The following JHY variants were observed in gnomAD, a reference collection of about 807,000 sequenced individuals.
The protein encoded by JHY is jhy protein homolog.
A neutral mutation model predicts 78.0 loss-of-function variants in JHY; 69 were observed. That is an observed-to-expected ratio of 0.88 (90% CI 0.73 to 1.08). JHY has a LOEUF of 1.08. Ranked by LOEUF, JHY falls within the 50% of genes least tolerant of loss-of-function variation. The probability of loss-of-function intolerance (pLI) is 0.00; values close to 1 mark genes in which losing one functional copy is unlikely to be tolerated. For synonymous variants in JHY, 368 were observed against 342.6 expected (o/e 1.07, Z -0.82); for missense variants, 944 against 927.8 (o/e 1.02, Z -0.23).
In JHY at chr11:122,961,500, G is replaced by A. The variant is rs1333163693; in HGVS notation, c.*2055G>A. Among the ~76,000 whole-genome samples, 7 of 152,212 alleles carry A rather than the reference G, an allele frequency of 4.6e-5. No homozygotes were observed. Among genetic ancestry groups the A allele is most frequent in the South Asian group, 2.1e-4 (1 of 4,814 alleles). On this transcript the variant is annotated 3_prime_UTR_variant, in exon 9 of 9. Coordinates refer to ENST00000227349, the MANE Select transcript of JHY (RefSeq NM_024806.4). ...CTCCCGAGTAGCCGAGATTGCAAGC[G>A]TGCACTACCACGCCCGGCTAATTTT...
intron 2 of JHY, among the ~76,000 whole-genome samples, chr11:122,896,742 TA>T (rs2135293859): frequency 6.6e-6 from 1 of 152,308 alleles, no homozygotes; most frequent in African/African-American, 2.4e-5. Context: ...GAATGTGACG[TA>T]CAGCAAGCAA....
intron 5 of JHY, among the ~76,000 whole-genome samples, chr11:122,942,941 C>T (rs1863903077): frequency 6.6e-6 from 1 of 152,156 alleles, no homozygotes; most frequent in Non-Finnish European, 1.5e-5. Context: ...ACGGAGTGAT[C>T]CTAGCTCACT....
In JHY at chr11:122,960,781, T is replaced by C. The variant is rs569475571; in HGVS notation, c.*1336T>C. On this transcript the variant is annotated 3_prime_UTR_variant, in exon 9 of 9. Transcript: ENST00000227349. ...TCCATCAAACAAATCCAGGATGCAA[T>C]TGATTTGGAGAAGTCGCAGCGCTCA... 8.0e-6 allele frequency: 4 copies of C among 499,016 alleles called. No individual in the cohort carries two copies. The highest frequency in any genetic ancestry group is 2.6e-5 in the Admixed American group (1 of 39,066). 30.9% of individuals were successfully genotyped at this position (499,016 alleles called of 1,614,324 possible).
At chr11:122,958,853 C>G (rs1864246332) in intron 8 of JHY, 1 of 985,224 alleles carries the variant, frequency 1.0e-6, no homozygotes, top group South Asian at 4.7e-5. Context: ...TGTCTTTGGT[C>G]TCAAGCTGTA....
chr11:122,925,728 A>G, intron 4 of JHY, among the ~76,000 whole-genome samples: 1 of 151,714 alleles, frequency 6.6e-6, no homozygotes, highest in African/African-American at 2.4e-5. Flanking sequence ...CTAAAAATAC[A>G]AAGATTAGGT....
chr11:122,884,521 A>G (rs185067909), intron 1 of JHY, among the ~76,000 whole-genome samples: 31 of 152,284 alleles, frequency 2.0e-4, no homozygotes, highest in African/African-American at 6.5e-4. Context: ...GAAAGGAAGC[A>G]CAATCCAAAA....
chr11:122,921,182 A>G (rs1863356890), intron 3 of JHY, among the ~76,000 whole-genome samples: 2 of 152,188 alleles, frequency 1.3e-5, no homozygotes, highest in African/African-American at 2.4e-5. Flanking sequence ...GAAATAATGT[A>G]TATCCTACAT....
At chr11:122,925,147 C>T (rs202033304) in intron 4 of JHY, 137 bp downstream of exon 4, 1 of 691,028 alleles carries the variant, frequency 1.4e-6, no homozygotes, top group Non-Finnish European at 2.4e-6. Flanking sequence ...ATGGGTAAGA[C>T]TGGCTTCTGC....
intron 6 of JHY, among the ~76,000 whole-genome samples, chr11:122,949,043 C>T (rs573406589): frequency 1.6e-3 from 243 of 151,242 alleles, no homozygotes; most frequent in South Asian, 6.7e-3. Flanking sequence ...GAGATTGCGC[C>T]ACTGCACTCC....
intron 3 of JHY, among the ~76,000 whole-genome samples, chr11:122,909,250 T>TGGTGAG (rs1385203485): frequency 2.0e-4 from 30 of 152,228 alleles, no homozygotes; most frequent in Admixed American, 2.0e-3. Flanking sequence ...ACGGTCAAGC[T>TGGTGAG]GGTGAGAGAA....
intron 7 of JHY, 67 bp from the exon 8 acceptor site, chr11:122,957,296 G>C: frequency 1.4e-6 from 2 of 1,461,928 alleles, no homozygotes; most frequent in Non-Finnish European, 1.8e-6. Context: ...CCAGGGCATC[G>C]CTTTAAATAG....
chr11:122,914,699 T>C (rs1863200491), intron 3 of JHY, among the ~76,000 whole-genome samples: 1 of 152,104 alleles, frequency 6.6e-6, no homozygotes, highest in African/African-American at 2.4e-5. Flanking sequence ...CGCCTCAGCC[T>C]CCCAAAGTGC....
intron 2 of JHY, among the ~76,000 whole-genome samples, chr11:122,893,586 G>A (rs545741259): frequency 6.6e-6 from 1 of 152,296 alleles, no homozygotes; most frequent in African/African-American, 2.4e-5. Context: ...AACGCTGTGA[G>A]TTTATCAAGA....
intron 4 of JHY, among the ~76,000 whole-genome samples, chr11:122,925,793 G>A (rs1281082824): frequency 2.0e-5 from 3 of 152,060 alleles, no homozygotes; most frequent in African/African-American, 7.2e-5. Context: ...CGAGGTGGGT[G>A]AATCACAAGG....
intron 4 of JHY, among the ~76,000 whole-genome samples, chr11:122,930,741 C>G (rs1267058714): frequency 6.6e-6 from 1 of 152,166 alleles, no homozygotes; most frequent in Admixed American, 6.5e-5. Flanking sequence ...GTTGTGTGCC[C>G]AGACTGAATG....
At chr11:122,914,058 C>G (rs1167383009) in intron 3 of JHY, among the ~76,000 whole-genome samples, 1 of 152,196 alleles carries the variant, frequency 6.6e-6, no homozygotes, top group Non-Finnish European at 1.5e-5. Context: ...CAAACTCTTA[C>G]TGAGTCTTCT....
At chr11:122,885,566 G>T (rs113198490) in intron 1 of JHY, among the ~76,000 whole-genome samples, 195 bp from the exon 2 acceptor site, 2 of 152,084 alleles carry the variant, frequency 1.3e-5, no homozygotes, top group African/African-American at 4.8e-5. Flanking sequence ...GCTTATGAGC[G>T]CTACATCAGA....
In JHY at chr11:122,904,381, C is replaced by A. The variant is rs751629509; in HGVS notation, c.801C>A (p.Thr267=). Residue 267 remains threonine, a synonymous_variant, in exon 3 of 9, where the codon ACC becomes ACA. Coordinates refer to ENST00000227349, the MANE Select transcript of JHY (RefSeq NM_024806.4). ...EKNKLTLGLP[T]PKTDSYLQLH... ...ACAAGCTCACTTTGGGATTACCCACCCCGAAAACGGACTCTTATCTTCAAC... is the reference window on the plus strand; with the variant it reads ...ACAAGCTCACTTTGGGATTACCCACACCGAAAACGGACTCTTATCTTCAAC... 5 of 1,614,060 alleles carry A rather than the reference C, an allele frequency of 3.1e-6. No homozygotes were observed. The highest frequency in any genetic ancestry group is 4.2e-6 in the Non-Finnish European group (5 of 1,180,002).
At chr11:122,904,547 G>T in intron 3 of JHY, 103 bp downstream of exon 3, 1 of 1,310,024 alleles carries the variant, frequency 7.6e-7, no homozygotes, top group Non-Finnish European at 1.1e-6. Flanking sequence ...CGATGTCATA[G>T]CAGCCACCTA....
Sources: allele counts gnomAD v4.1 joint callset (sites outside exome capture counted in the v4.1 genomes callset), GRCh38; gene constraint gnomAD v4.1.1; transcripts MANE v1.5; gene names NCBI Gene and HGNC (gene_info 2026-07-23, HGNC 2026-07-21).